FAM171A1: variants seen among roughly 807,000 people sequenced by gnomAD.
The protein encoded by FAM171A1 is protein FAM171A1.
In FAM171A1, 23 loss-of-function variants were observed where a neutral mutation model predicts 74.9. The ratio of observed to expected loss-of-function variants is 0.31; its 90% confidence interval spans 0.22 to 0.44. The LOEUF (loss-of-function observed/expected upper bound fraction) is 0.44, where lower values mean the gene tolerates loss of function less well. Among genes scored for constraint, FAM171A1 ranks in the 20% least tolerant of loss-of-function variants. The pLI is 1.00. For synonymous variants in FAM171A1, 527 were observed against 505.7 expected, an observed-to-expected ratio of 1.04 and a Z score of -0.57; for missense variants, 1,162 against 1,159.2, an observed-to-expected ratio of 1.00 and a Z score of -0.03.
intron 5 of FAM171A1, among the ~76,000 whole-genome samples, chr10:15,229,086 T>C (rs752237754): frequency 1.1e-4 from 16 of 152,208 alleles, no homozygotes; most frequent in Non-Finnish European, 1.9e-4. Flanking sequence ...GAAATCCCAT[T>C]GCCAAAAGTT....
intron 3 of FAM171A1, among the ~76,000 whole-genome samples, chr10:15,275,614 C>T (rs1834883539): frequency 6.6e-6 from 1 of 152,020 alleles, no homozygotes; most frequent in African/African-American, 2.4e-5. Context: ...CCAAAACTGA[C>T]TGTTGTTTCT....
chr10:15,278,410 G>A (rs1368275499), intron 2 of FAM171A1, among the ~76,000 whole-genome samples: 1 of 152,160 alleles, frequency 6.6e-6, no homozygotes, highest in Non-Finnish European at 1.5e-5. Context: ...ATAAACCCAA[G>A]AGAACCGAAA....
chr10:15,213,495 C>T lies in FAM171A1; in HGVS notation c.2093G>A (p.Gly698Asp). 6.2e-7 allele frequency: 1 copy of T among 1,614,090 alleles called. No individual in the cohort carries two copies. The highest frequency in any genetic ancestry group is 8.5e-7 in the Non-Finnish European group (1 of 1,180,012). The change falls in exon 8 of 8, where the codon GGT becomes GAT. Residue 698 changes from glycine to aspartate, a missense_variant. Physicochemically the swap from Gly to Asp is moderately conservative, Grantham distance 94. Coordinates refer to ENST00000378116, the MANE Select transcript of FAM171A1 (RefSeq NM_001010924.2). The surrounding 1 kb of genome is among the most constrained non-coding windows in gnomAD (Gnocchi z 6.8). Reference protein sequence around the residue: ...LTEKALMELGGGKPLPHPRAW... With the variant: ...LTEKALMELGDGKPLPHPRAW... Reference sequence around the variant, plus strand: ...CCGGGGGTGCGGAAGCGGCTTCCCACCCCCAAGCTCCATCAGGGCCTTTTC... The same window carrying T: ...CCGGGGGTGCGGAAGCGGCTTCCCATCCCCAAGCTCCATCAGGGCCTTTTC...
chr10:15,253,663 A>T (rs1442942694), intron 4 of FAM171A1, among the ~76,000 whole-genome samples: 1 of 152,232 alleles, frequency 6.6e-6, no homozygotes, highest in Non-Finnish European at 1.5e-5. Context: ...AATTAAGTGA[A>T]ATTCAAGCCA....
chr10:15,235,585 C>A (rs888561714), intron 5 of FAM171A1, among the ~76,000 whole-genome samples: 16 of 152,152 alleles, frequency 1.1e-4, no homozygotes, highest in African/African-American at 3.9e-4. Flanking sequence ...GGTGTTGTAT[C>A]ATTTGTATAT....
rs559768524 is a variant in FAM171A1, at chr10:15,290,553, G to A, written c.98-6448C>T. Among the ~76,000 whole-genome samples, 8 of 152,236 alleles carry A rather than the reference G, an allele frequency of 5.3e-5. No homozygotes were observed. The East Asian group carries it at 1.5e-3, about 29-fold the overall frequency. ...GTTTCACCTTGGGCCAACTGTGGGG[G>A]TGTACAACAGAGACCAGACCCCTGA... is the stretch of plus-strand genomic sequence containing the variant. On this transcript the variant is annotated intron_variant, in intron 1 of 7. Coordinates refer to ENST00000378116, the MANE Select transcript of FAM171A1 (RefSeq NM_001010924.2).
rs144556631 is a variant in FAM171A1 at position 15,282,393 on chromosome 10, T to C, written c.325+1485A>G. On this transcript the variant is annotated intron_variant, in intron 2 of 7. Coordinates refer to ENST00000378116, the MANE Select transcript of FAM171A1 (RefSeq NM_001010924.2). ...GTTCAATGTTAATGAATCAACAATC[T>C]ATATATCAAATAAGATTTCTTTAAA... Among the ~76,000 whole-genome samples, 426 of 152,360 alleles carry C rather than the reference T, an allele frequency of 2.8e-3. 3 individuals carry two copies. The highest frequency in any genetic ancestry group is 9.8e-3 in the African/African-American group (409 of 41,574).
intron 1 of FAM171A1, among the ~76,000 whole-genome samples, chr10:15,292,490 T>C (rs968965851): frequency 9.2e-5 from 14 of 152,336 alleles, no homozygotes; most frequent in Admixed American, 3.3e-4. Flanking sequence ...TTTTTTGCTG[T>C]TGTTTTTTGA....
At chr10:15,349,472 A>G (rs1038307461) in intron 1 of FAM171A1, among the ~76,000 whole-genome samples, 37 of 152,182 alleles carry the variant, frequency 2.4e-4, no homozygotes, top group African/African-American at 7.0e-4. Flanking sequence ...CAATTCCTGT[A>G]AAGGCCAGAA....
intron 5 of FAM171A1, among the ~76,000 whole-genome samples, chr10:15,226,892 C>G (rs1171197226): frequency 6.6e-6 from 1 of 152,144 alleles, no homozygotes; most frequent in Non-Finnish European, 1.5e-5. Flanking sequence ...AGCTTCCCAC[C>G]TGGAGCTGTA....
chr10:15,362,988 G>C (rs1404822782), intron 1 of FAM171A1, among the ~76,000 whole-genome samples: 1 of 152,166 alleles, frequency 6.6e-6, no homozygotes, highest in Non-Finnish European at 1.5e-5. Flanking sequence ...ACCTCTTTTT[G>C]TCCAATAAGT....
rs369050654 is a variant in FAM171A1 at position 15,236,285 on chromosome 10, C to CAAA, written c.754+12351_754+12353dup. Among the ~76,000 whole-genome samples the CAAA allele has an allele frequency of 1.8e-3, 253 of 137,054 alleles. 2 individuals are homozygous for CAAA. Among genetic ancestry groups the CAAA allele is most frequent in the South Asian group, 4.5e-3 (19 of 4,252 alleles). The allele number at this position is 137,054 out of a possible 152,430, so 89.9% of individuals were successfully genotyped here. A position where few individuals can be genotyped will look rare whatever the true frequency, so the allele number is the denominator to read the frequency against. On this transcript the variant is annotated intron_variant, in intron 5 of 7. Coordinates refer to ENST00000378116, the MANE Select transcript of FAM171A1 (RefSeq NM_001010924.2). ...TACCTGTCCTTTTATATCATGCTTC[C>CAAA]AAAAAAAAAAAAAAAATCACACACT...
intron 1 of FAM171A1, among the ~76,000 whole-genome samples, chr10:15,328,890 A>G (rs1835591137): frequency 6.6e-6 from 1 of 152,160 alleles, no homozygotes. Flanking sequence ...CGGGTCCCTC[A>G]TTGGGCTTCT....
chr10:15,228,207 G>A (rs1834133958), intron 5 of FAM171A1, among the ~76,000 whole-genome samples: 1 of 152,112 alleles, frequency 6.6e-6, no homozygotes, highest in African/African-American at 2.4e-5. Context: ...TGGGTAAGAA[G>A]CAGACAGACC....
At chr10:15,232,839 T>G (rs2131734434) in intron 5 of FAM171A1, among the ~76,000 whole-genome samples, 1 of 152,248 alleles carries the variant, frequency 6.6e-6, no homozygotes, top group South Asian at 2.1e-4. Flanking sequence ...GTCCCATGAG[T>G]GTGGGAAACA....
At chr10:15,254,678 A>C in intron 4 of FAM171A1, 43 bp downstream of exon 4, 1 of 1,600,104 alleles carries the variant, frequency 6.2e-7, no homozygotes, top group Non-Finnish European at 8.5e-7. Flanking sequence ...GTAAAGACTA[A>C]AACACAGTAA....
At chr10:15,250,058 AC>A (rs1834488036) in intron 4 of FAM171A1, among the ~76,000 whole-genome samples, 1 of 152,250 alleles carries the variant, frequency 6.6e-6, no homozygotes, top group Non-Finnish European at 1.5e-5. Flanking sequence ...AATCTGGTCT[AC>A]ATTTAAACAT....
At chr10:15,302,337 C>T (rs1274753069) in intron 1 of FAM171A1, among the ~76,000 whole-genome samples, 3 of 151,922 alleles carry the variant, frequency 2.0e-5, no homozygotes, top group African/African-American at 7.3e-5. Context: ...TGGTGGCAGG[C>T]GCCTGTAATC....
At chr10:15,260,791 C>T (rs139249845) in intron 3 of FAM171A1, among the ~76,000 whole-genome samples, 143 of 152,250 alleles carry the variant, frequency 9.4e-4, no homozygotes, top group African/African-American at 3.4e-3. Context: ...TGCATTGCAG[C>T]ATGTTTAATA....
Sources: gnomAD v4.1 joint callset for allele counts (sites outside exome capture counted in the v4.1 genomes callset) on GRCh38, gnomAD v4.1.1 for gene constraint, Gnocchi (gnomAD v3.1) non-coding constraint, MANE v1.5 for transcripts, NCBI Gene and HGNC (gene_info 2026-07-23, HGNC 2026-07-21) for gene names.